PTPRD: variants seen among roughly 807,000 people sequenced by gnomAD.
PTPRD encodes protein tyrosine phosphatase receptor type D.
In PTPRD, 34 loss-of-function variants were observed where a neutral mutation model predicts 214.5. The ratio of observed to expected loss-of-function variants is 0.16; its 90% CI spans 0.12 to 0.21. The LOEUF is 0.21. Ranked by LOEUF, PTPRD falls within the 10% of genes least tolerant of loss-of-function variation. The pLI, the probability that PTPRD is intolerant of heterozygous loss-of-function variation, is 1.00. For missense variants in PTPRD, 2,545 were observed against 2,398.7 expected, an observed-to-expected ratio of 1.06 and a Z score of -1.27; for synonymous variants, 1,128 against 845.7, an observed-to-expected ratio of 1.33 and a Z score of -5.79.
At chr9:9,576,879 C>T (rs117964141) in intron 7 of PTPRD, among the ~76,000 whole-genome samples, 2,726 of 152,180 alleles carry the variant, frequency 0.018, 45 homozygotes, top group Admixed American at 0.026. Flanking sequence ...CAAATTGACA[C>T]TTTTAAAAGA....
chr9:8,912,179 A>G (rs1301477000), intron 11 of PTPRD, among the ~76,000 whole-genome samples: 3 of 152,226 alleles, frequency 2.0e-5, no homozygotes, highest in Non-Finnish European at 4.4e-5. Flanking sequence ...AAATAAAAAT[A>G]TATGTCCATG....
rs1567209954 is a variant in PTPRD at position 8,953,083 on chromosome 9, G to GATAAA, written c.-104+65609_-104+65613dup. 2.6e-3 allele frequency among the ~76,000 whole-genome samples: 385 copies of GATAAA among 150,832 alleles called. 3 individuals carry two copies. Among genetic ancestry groups the GATAAA allele is most frequent in the African/African-American group, 9.0e-3 (371 of 41,152 alleles). On this transcript the variant is annotated intron_variant, in intron 11 of 45. Coordinates refer to ENST00000381196, the MANE Select transcript of PTPRD (RefSeq NM_002839.4). The stretch of plus-strand genomic sequence containing the variant: ...TATTTTAGAATAGTTTTTTTTTTTA[G>GATAAA]ATAAAATATATGCTTTTGGTTACTG...
rs146952217 is a variant in PTPRD at position 8,444,813 on chromosome 9, A to G, written c.3988+4912T>C. Among the ~76,000 whole-genome samples the G allele has an allele frequency of 1.1e-3, 175 of 152,308 alleles. 1 individual carries two copies. The highest frequency in any genetic ancestry group is 1.8e-3 in the Non-Finnish European group (123 of 68,018). On this transcript the variant is annotated intron_variant, in intron 34 of 45. Coordinates refer to ENST00000381196, the MANE Select transcript of PTPRD (RefSeq NM_002839.4). ...CTAAAGTAATTTGGAAATTGTTTAT[A>G]AAAGAAAGAAAGAGAAAACTTTCCT...
chr9:8,429,775 G>C (rs563572789), intron 35 of PTPRD, among the ~76,000 whole-genome samples: 33 of 152,226 alleles, frequency 2.2e-4, no homozygotes, highest in Admixed American at 1.2e-3. Context: ...AAATGTGTTG[G>C]GACTGGGCTT....
intron 11 of PTPRD, among the ~76,000 whole-genome samples, chr9:8,955,761 G>T (rs1280411085): frequency 6.6e-6 from 1 of 151,494 alleles, no homozygotes; most frequent in African/African-American, 2.4e-5. Flanking sequence ...ATTAAAAAAA[G>T]TCTTTCACAC....
At chr9:9,008,176 G>C (rs1233605717) in intron 11 of PTPRD, among the ~76,000 whole-genome samples, 1 of 146,444 alleles carries the variant, frequency 6.8e-6, no homozygotes, top group Non-Finnish European at 1.5e-5. Flanking sequence ...ATGAGAGTCT[G>C]TTAGGTAACA....
intron 11 of PTPRD, among the ~76,000 whole-genome samples, chr9:8,987,267 G>GTGTGTGGGTGGGTA (rs2099349184): frequency 6.6e-6 from 1 of 152,164 alleles, no homozygotes; most frequent in African/African-American, 2.4e-5. Context: ...GTATGTGTGA[G>GTGTGTGGGTGGGTA]TGTGTGGGTG....
chr9:8,894,914 A>G (rs1175058135), intron 11 of PTPRD, among the ~76,000 whole-genome samples: 2 of 152,184 alleles, frequency 1.3e-5, no homozygotes. Flanking sequence ...ACAACACACA[A>G]TTTGGAGCCC....
chr9:9,981,480 G>A (rs549880410), intron 4 of PTPRD, among the ~76,000 whole-genome samples: 5 of 151,070 alleles, frequency 3.3e-5, no homozygotes, highest in African/African-American at 7.3e-5. Context: ...TGAGCCTCCC[G>A]AGTAGCTGGG....
chr9:10,225,923 C>A (rs950811647), intron 3 of PTPRD, among the ~76,000 whole-genome samples: 4 of 151,988 alleles, frequency 2.6e-5, no homozygotes, highest in Admixed American at 1.3e-4. Flanking sequence ...AGAAGAATAA[C>A]AACTTTATTG....
At chr9:9,911,872 C>A (rs976463263) in intron 5 of PTPRD, among the ~76,000 whole-genome samples, 5 of 152,034 alleles carry the variant, frequency 3.3e-5, no homozygotes, top group Non-Finnish European at 7.4e-5. Context: ...ACTAAATCTT[C>A]AAAAGTGGCC....
chr9:9,869,934 C>T (rs2065003664), intron 5 of PTPRD, among the ~76,000 whole-genome samples: 3 of 151,832 alleles, frequency 2.0e-5, no homozygotes. Context: ...GCAATGGTTG[C>T]TAATTTTGTA....
intron 2 of PTPRD, among the ~76,000 whole-genome samples, chr9:10,519,847 C>T (rs1749158398): frequency 1.3e-5 from 2 of 151,974 alleles, no homozygotes; most frequent in Admixed American, 1.3e-4. Context: ...ACTTGATTAA[C>T]TAATGTTATG....
chr9:9,250,783 C>T (rs868239518), intron 9 of PTPRD, among the ~76,000 whole-genome samples: 6 of 152,070 alleles, frequency 3.9e-5, no homozygotes, highest in Middle Eastern at 3.4e-3. Flanking sequence ...TCAACAACAA[C>T]AAATATATTA....
chr9:8,526,493 A>C (rs10977181), intron 17 of PTPRD, 134 bp downstream of exon 17: 98 of 578,078 alleles, frequency 1.7e-4, no homozygotes, highest in African/African-American at 1.7e-3. Context: ...GATCATAACC[A>C]AACAGTACAA....
chr9:8,359,129 A>C (rs1167628609), intron 39 of PTPRD, among the ~76,000 whole-genome samples: 2 of 107,042 alleles, frequency 1.9e-5, no homozygotes, highest in Non-Finnish European at 3.5e-5. Context: ...AAAACAAAAA[A>C]AAAAAAAAAC....
chr9:9,083,762 C>T (rs1288334384), intron 10 of PTPRD, among the ~76,000 whole-genome samples: 1 of 151,914 alleles, frequency 6.6e-6, no homozygotes, highest in Non-Finnish European at 1.5e-5. Flanking sequence ...AGACACTTCT[C>T]AAAAGAAGAC....
chr9:9,011,685 C>T (rs1280738058), intron 11 of PTPRD, among the ~76,000 whole-genome samples: 2 of 152,080 alleles, frequency 1.3e-5, no homozygotes, highest in South Asian at 2.1e-4. Flanking sequence ...AACTCTACAC[C>T]CTACAGCTCT....
intron 11 of PTPRD, among the ~76,000 whole-genome samples, chr9:8,743,497 T>C (rs945897475): frequency 6.6e-6 from 1 of 152,092 alleles, no homozygotes; most frequent in Admixed American, 6.6e-5. Flanking sequence ...CTGCTAGCAA[T>C]AGAGATCAAT....
Sources: gnomAD v4.1 joint callset for allele counts (sites outside exome capture counted in the v4.1 genomes callset) on GRCh38, gnomAD v4.1.1 for gene constraint, MANE v1.5 for transcripts, NCBI Gene and HGNC (gene_info 2026-07-23, HGNC 2026-07-21) for gene names.